Variants in RPL19 observed in about 807,000 individuals in gnomAD.
RPL19 encodes ribosomal protein L19, also known as large ribosomal subunit protein eL19.
Under a neutral mutation model 25.1 loss-of-function variants are expected in RPL19, and 2 were observed. The ratio of observed to expected loss-of-function variants is 0.08; its 90% confidence interval spans 0.03 to 0.25. RPL19 has a LOEUF of 0.25. Ranked by LOEUF, RPL19 falls within the 10% of genes least tolerant of loss-of-function variation. The pLI is 1.00. For synonymous variants in RPL19, 89 were observed against 91.2 expected (o/e 0.98, Z 0.14); for missense variants, 123 against 271.8 (o/e 0.45, Z 3.85).
intron 5 of RPL19, 96 bp from the exon 6 acceptor site, chr17:39,204,429 G>C: frequency 3.4e-6 from 5 of 1,469,960 alleles, no homozygotes; most frequent in Admixed American, 1.9e-5. Context: ...TCCAGAAGCT[G>C]ACTAGGCTCA....
intron 3 of RPL19, 52 bp from the exon 4 acceptor site, chr17:39,202,937 T>C: frequency 6.2e-7 from 1 of 1,607,950 alleles, no homozygotes; most frequent in Non-Finnish European, 8.5e-7. Context: ...TTGGTGTACT[T>C]ATACACAGTG....
chr17:39,202,538 T>C, intron 3 of RPL19, 99 bp downstream of exon 3: 4 of 1,432,028 alleles, frequency 2.8e-6, no homozygotes, highest in Non-Finnish European at 2.9e-6. Context: ...TGAGCCTGTT[T>C]CTTACTCCTT....
intron 5 of RPL19, 141 bp downstream of exon 5, chr17:39,204,328 A>G (rs2046310108): frequency 3.6e-6 from 3 of 829,230 alleles, no homozygotes; most frequent in African/African-American, 1.7e-5. Flanking sequence ...AGAGGCACCC[A>G]CTCCTCTGTC....
intron 2 of RPL19, 113 bp from the exon 3 acceptor site, chr17:39,202,204 C>CTT: frequency 7.5e-7 from 1 of 1,334,006 alleles, no homozygotes. Context: ...TGTTTCCATC[C>CTT]TTTTTGAGAC....
In RPL19 at chr17:39,202,678, T is replaced by C. The variant is rs113668102; in HGVS notation, c.235+239T>C. 2.5e-3 allele frequency: 1,502 copies of C among 608,358 alleles called. 19 individuals carry two copies. The African/African-American group carries it at 0.025, about 10-fold the overall frequency. The allele number at this position is 608,358 out of a possible 1,614,324, so 37.7% of individuals were successfully genotyped here. A position where few individuals can be genotyped will look rare whatever the true frequency, so the allele number is the denominator to read the frequency against. On this transcript the variant is annotated intron_variant, in intron 3 of 5. Transcript: ENST00000225430. Reference sequence around the variant, plus strand: ...ACACTATGCCAAGGATTCTGTACTTTCTAGTTTCAGAATGATCGAAGGAAG... The same window carrying C: ...ACACTATGCCAAGGATTCTGTACTTCCTAGTTTCAGAATGATCGAAGGAAG...
intron 2 of RPL19, among the ~76,000 whole-genome samples, chr17:39,201,885 T>TA (rs1394811505): frequency 3.3e-5 from 5 of 152,172 alleles, no homozygotes; most frequent in Non-Finnish European, 7.4e-5. Context: ...GTTGACTTGT[T>TA]ACAAACCTAG....
At chr17:39,202,097 C>G (rs1436191151) in intron 2 of RPL19, among the ~76,000 whole-genome samples, 1 of 152,156 alleles carries the variant, frequency 6.6e-6, no homozygotes, top group Non-Finnish European at 1.5e-5. Context: ...GGGAGACTGT[C>G]TCAAAGACAA....
intron 4 of RPL19, among the ~76,000 whole-genome samples, chr17:39,203,327 A>G (rs1322172135): frequency 6.6e-6 from 1 of 151,654 alleles, no homozygotes; most frequent in Non-Finnish European, 1.5e-5. Context: ...GACTACAGGC[A>G]TGTGCCACCA....
rs191332836 is a variant in RPL19, at chr17:39,201,059, G to T, written c.6-154G>T. On this transcript the variant is annotated intron_variant, in intron 1 of 5. Coordinates refer to ENST00000225430, the MANE Select transcript of RPL19 (RefSeq NM_000981.4). ...GGTTTTGAAGTCTTAAACCCAAGGG[G>T]GCCAGCTGCATAGCCCAGAGCCTTA... 10 of 603,916 alleles carry T rather than the reference G, an allele frequency of 1.7e-5. No individual in the cohort carries two copies. In the Admixed American group the frequency reaches 2.2e-4, roughly 13 times the overall value. The allele number at this position is 603,916 out of a possible 1,614,324, so 37.4% of individuals were successfully genotyped here.
rs765879498 is a variant in RPL19 at position 39,202,456 on chromosome 17, TCTC to T, written c.235+20_235+22del. 4.3e-6 allele frequency: 7 copies of T among 1,613,908 alleles called. No individual in the cohort carries two copies. The highest frequency in any genetic ancestry group is 1.6e-4 in the Middle Eastern group (1 of 6,084). On this transcript the variant is annotated intron_variant, in intron 3 of 5. Coordinates refer to ENST00000225430, the MANE Select transcript of RPL19 (RefSeq NM_000981.4). Reference sequence around the variant, plus strand: ...TGGGCATAGGTAAGTGTGGTCATCTTCTCCTTAAGAAATGATAGGTGCTGGCAT... The same window carrying T: ...TGGGCATAGGTAAGTGTGGTCATCTTCTTAAGAAATGATAGGTGCTGGCAT...
At chr17:39,200,799 C>T (rs907060378) in intron 1 of RPL19, 3 of 1,017,978 alleles carry the variant, frequency 2.9e-6, no homozygotes, top group African/African-American at 3.4e-5. Context: ...AAGGAAATCT[C>T]TGCGAATAGC....
At chr17:39,202,231 T>C in intron 2 of RPL19, 86 bp from the exon 3 acceptor site, 1 of 1,529,006 alleles carries the variant, frequency 6.5e-7, no homozygotes, top group Non-Finnish European at 9.0e-7. Context: ...GCCAAGAATG[T>C]GAGCAGTGTC....
Position 39,200,360 on chromosome 17 carries a change from G to C in RPL19, c.5+11G>C. The C allele has an allele frequency of 6.4e-7, 1 of 1,568,640 alleles. No individual in the cohort carries two copies. Reference sequence around the variant, plus strand: ...GGCCGCAGCCATGAGGTGAGGGCGAGCTGGTCTCCATCAGGCGCTGACGCG... The same window carrying C: ...GGCCGCAGCCATGAGGTGAGGGCGACCTGGTCTCCATCAGGCGCTGACGCG... On this transcript the variant is annotated intron_variant, in intron 1 of 5. Coordinates refer to ENST00000225430, the MANE Select transcript of RPL19 (RefSeq NM_000981.4).
chr17:39,203,855 T>C (rs1227580576), intron 4 of RPL19, among the ~76,000 whole-genome samples: 1 of 152,156 alleles, frequency 6.6e-6, no homozygotes, highest in Non-Finnish European at 1.5e-5. Flanking sequence ...GGTCTTTCTT[T>C]TTTTCCCTGT....
At chr17:39,202,839 C>A in intron 3 of RPL19, 150 bp from the exon 4 acceptor site, 1 of 833,634 alleles carries the variant, frequency 1.2e-6, no homozygotes, top group Non-Finnish European at 1.9e-6. Flanking sequence ...TAGTTGGGAT[C>A]ATCATCTGGA....
At chr17:39,204,377 G>A (rs2046310380) in intron 5 of RPL19, 148 bp from the exon 6 acceptor site, 2 of 1,006,702 alleles carry the variant, frequency 2.0e-6, no homozygotes, top group Non-Finnish European at 3.0e-6. Context: ...AGGGACTAGA[G>A]GTTAGTTGAA....
At chr17:39,202,672 G>A in intron 3 of RPL19, 1 of 608,394 alleles carries the variant, frequency 1.6e-6, no homozygotes, top group African/African-American at 1.8e-5. Flanking sequence ...CAAGGATTCT[G>A]TACTTTCTAG....
intron 1 of RPL19, 161 bp from the exon 2 acceptor site, chr17:39,201,052 C>T (rs2046283474): frequency 5.1e-6 from 3 of 584,166 alleles, no homozygotes; most frequent in Non-Finnish European, 9.0e-6. Context: ...AGTCTTAAAC[C>T]CAAGGGGGCC....
At chr17:39,200,684 G>A in intron 1 of RPL19, 1 of 1,111,332 alleles carries the variant, frequency 9.0e-7, no homozygotes, top group Non-Finnish European at 1.1e-6. Context: ...GCCGATCTCT[G>A]CTTTCACGTG....
Sources: allele counts gnomAD v4.1 joint callset (sites outside exome capture counted in the v4.1 genomes callset), GRCh38; gene constraint gnomAD v4.1.1; transcripts MANE v1.5; gene names NCBI Gene and HGNC (gene_info 2026-07-23, HGNC 2026-07-21).